RNF185: variants seen among roughly 807,000 people sequenced by gnomAD.
RNF185 encodes E3 ubiquitin-protein ligase RNF185.
In RNF185, 13 loss-of-function variants were observed where a neutral mutation model predicts 24.9. That is an observed-to-expected ratio of 0.52 (90% CI 0.34 to 0.83). The LOEUF is 0.83. Among genes scored for constraint, RNF185 ranks in the 40% least tolerant of loss-of-function variants. RNF185 has a pLI of 0.01. For synonymous variants in RNF185, 79 were observed against 90.3 expected (o/e 0.88, Z 0.71); for missense variants, 184 against 244.7 (o/e 0.75, Z 1.65).
intron 4 of RNF185, among the ~76,000 whole-genome samples, chr22:31,196,296 C>G (rs942523648): frequency 2.0e-5 from 3 of 152,178 alleles, no homozygotes; most frequent in East Asian, 1.9e-4. Context: ...ATTAGTTGCT[C>G]TCACCCAGTT....
At chr22:31,160,828 A>C (rs552052259) in intron 1 of RNF185, among the ~76,000 whole-genome samples, 1 of 152,290 alleles carries the variant, frequency 6.6e-6, no homozygotes, top group African/African-American at 2.4e-5. Context: ...CTGCTTTGTA[A>C]TTCTCTGAGA....
chr22:31,161,932 A>G (rs1248649613), intron 1 of RNF185, among the ~76,000 whole-genome samples: 1 of 141,374 alleles, frequency 7.1e-6, no homozygotes, highest in Non-Finnish European at 1.5e-5. Flanking sequence ...CATGTTGGCC[A>G]GGCTGGTCTC....
At chr22:31,197,192 TTCCATTTTTCTATAATTATATATAC>T in intron 5 of RNF185, 1 of 589,366 alleles carries the variant, frequency 1.7e-6, no homozygotes, top group Non-Finnish European at 2.8e-6. Flanking sequence ...CTATTTTCTT[TTCCATTTTTCTATAATTATATATAC>T]ACACAAATTT....
chr22:31,187,360 T>C (rs2048110310), intron 2 of RNF185, 90 bp downstream of exon 2: 4 of 1,396,782 alleles, frequency 2.9e-6, no homozygotes, highest in South Asian at 1.2e-5. Context: ...TGCTTCCTGC[T>C]CACTTTGGGA....
chr22:31,193,130 G>A (rs990164427), intron 3 of RNF185, among the ~76,000 whole-genome samples: 28 of 152,314 alleles, frequency 1.8e-4, no homozygotes, highest in African/African-American at 6.7e-4. Flanking sequence ...CCTAGCTTTA[G>A]CACCTACTTG....
At chr22:31,183,526 C>T (rs976543013) in intron 1 of RNF185, among the ~76,000 whole-genome samples, 1 of 151,980 alleles carries the variant, frequency 6.6e-6, no homozygotes, top group Middle Eastern at 3.4e-3. Flanking sequence ...GGCAGAGGGC[C>T]CTGCCGCCTT....
intron 5 of RNF185, among the ~76,000 whole-genome samples, chr22:31,198,716 T>C (rs1044554317): frequency 5.5e-5 from 8 of 146,404 alleles, no homozygotes; most frequent in African/African-American, 2.0e-4. Flanking sequence ...TTTTTTTTTT[T>C]TTTTTTTTTT....
chr22:31,188,038 T>G (rs2048117287), intron 2 of RNF185, among the ~76,000 whole-genome samples: 1 of 152,042 alleles, frequency 6.6e-6, no homozygotes, highest in South Asian at 2.1e-4. Context: ...GCAGGGAGTT[T>G]CTAGGGACAG....
At chr22:31,166,672 C>CA (rs888504846) in intron 1 of RNF185, among the ~76,000 whole-genome samples, 8 of 148,404 alleles carry the variant, frequency 5.4e-5, no homozygotes, top group African/African-American at 1.7e-4. Context: ...CTTCTCGAGA[C>CA]AGAGTCTGGC....
intron 5 of RNF185, among the ~76,000 whole-genome samples, chr22:31,198,364 A>C (rs2048227135): frequency 6.8e-6 from 1 of 147,946 alleles, no homozygotes; most frequent in East Asian, 2.0e-4. Context: ...TTTGCTGTTT[A>C]AATAATGCTA....
chr22:31,203,086 C>G (rs926859535), intron 6 of RNF185, among the ~76,000 whole-genome samples: 1 of 152,194 alleles, frequency 6.6e-6, no homozygotes, highest in African/African-American at 2.4e-5. Flanking sequence ...CTAACCTGGT[C>G]GAAGGCTAAC....
chr22:31,162,303 A>G (rs1923628941), intron 1 of RNF185, among the ~76,000 whole-genome samples: 1 of 152,224 alleles, frequency 6.6e-6, no homozygotes, highest in Non-Finnish European at 1.5e-5. Context: ...GATGTTATCC[A>G]GGTACTGGGT....
At position 31,188,955 on chromosome 22, in the gene RNF185, T is replaced by TAAA. The variant is rs34561325; in HGVS notation, c.176+1704_176+1706dup. ...CTAACACGGTGAAACCCGTTTCTAC[T>TAAA]AAAAAAAAAAAAAAAAAAAAATTAG... On this transcript the variant is annotated intron_variant, in intron 2 of 6. Transcript: ENST00000326132. Among the ~76,000 whole-genome samples the TAAA allele has an allele frequency of 3.5e-3, 417 of 118,050 alleles. 1 individual carries two copies. The highest frequency in any genetic ancestry group is 0.022 in the Middle Eastern group (5 of 232). The allele number at this position is 118,050 out of a possible 152,430, so 77.4% of individuals were successfully genotyped here. A position where few individuals can be genotyped will look rare whatever the true frequency, so the allele number is the denominator to read the frequency against.
At chr22:31,174,529 G>A (rs771117112) in intron 1 of RNF185, among the ~76,000 whole-genome samples, 5 of 152,000 alleles carry the variant, frequency 3.3e-5, no homozygotes, top group African/African-American at 7.2e-5. Flanking sequence ...ACAGGCACAC[G>A]CCACCATACC....
rs574531681 is a variant in RNF185 at position 31,201,404 on chromosome 22, C to T, written c.364-94C>T. The T allele has an allele frequency of 1.1e-5, 10 of 889,314 alleles. No individual in the cohort carries two copies. In the African/African-American group the frequency reaches 1.5e-4, roughly 13 times the overall value. The allele number at this position is 889,314 out of a possible 1,614,324, so 55.1% of individuals were successfully genotyped here. A position where few individuals can be genotyped will look rare whatever the true frequency, so the allele number is the denominator to read the frequency against. On this transcript the variant is annotated intron_variant, in intron 5 of 6. Transcript: ENST00000326132. ...CAAGGTAGGGAGAAGAGGCAGGTGC[C>T]ACATGCAAGACAACGTGAGGTATGT...
In RNF185 at chr22:31,180,907, CTCTCTCTCTGTGTG is replaced by C. The variant is rs1288985310; in HGVS notation, c.-48-6138_-48-6125del. Among the ~76,000 whole-genome samples, 24 of 50,354 alleles carry C rather than the reference CTCTCTCTCTGTGTG, an allele frequency of 4.8e-4. 1 individual carries two copies. In the East Asian group the frequency reaches 5.0e-3, roughly 10 times the overall value. The allele number at this position is 50,354 out of a possible 152,430, so 33.0% of individuals were successfully genotyped here. A position where few individuals can be genotyped will look rare whatever the true frequency, so the allele number is the denominator to read the frequency against. ...AATGTGTATTTTCTAGGCATTTTCT[CTCTCTCTCTGTGTG>C]TGTGTGTGTGTGTGTGTGTGTGTGT... On this transcript the variant is annotated intron_variant, in intron 1 of 6. Transcript: ENST00000326132.
rs1028830611 is a variant in RNF185 at position 31,206,966 on chromosome 22, T to G, written c.*2380T>G. Reference sequence around the variant, plus strand: ...ACCTTAACCAGTCACTAATTTTCACTGTTGTGAAAGTGATTTGATTTAGAA... The same window carrying G: ...ACCTTAACCAGTCACTAATTTTCACGGTTGTGAAAGTGATTTGATTTAGAA... On this transcript the variant is annotated 3_prime_UTR_variant, in exon 7 of 7. Coordinates refer to ENST00000326132, the MANE Select transcript of RNF185 (RefSeq NM_152267.4). The G allele has an allele frequency of 6.6e-6, 1 of 152,274 alleles. No individual in the cohort carries two copies. Among genetic ancestry groups the G allele is most frequent in the African/African-American group, 2.4e-5 (1 of 41,472 alleles). The allele number at this position is 152,274 out of a possible 1,614,324, so 9.4% of individuals were successfully genotyped here.
chr22:31,189,135 A>ATGTGTGTGTGTGTG (rs202051750), intron 2 of RNF185, among the ~76,000 whole-genome samples: 13 of 136,868 alleles, frequency 9.5e-5, no homozygotes, highest in East Asian at 4.1e-4. Flanking sequence ...CAAAAAAAAA[A>ATGTGTGTGTGTGTG]TGTGTGTGTG....
chr22:31,197,113 G>C (rs780850251), intron 5 of RNF185, 123 bp downstream of exon 5: 1 of 1,398,602 alleles, frequency 7.2e-7, no homozygotes, highest in South Asian at 1.3e-5. Context: ...ATACAGAAAG[G>C]AAAAGAGGGG....
Sources: allele counts gnomAD v4.1 joint callset (sites outside exome capture counted in the v4.1 genomes callset), GRCh38; gene constraint gnomAD v4.1.1; transcripts MANE v1.5; gene names NCBI Gene and HGNC (gene_info 2026-07-23, HGNC 2026-07-21).